MAGEC3: variants seen among roughly 807,000 people sequenced by gnomAD.
MAGEC3 encodes melanoma-associated antigen C3.
A neutral mutation model predicts 35.3 loss-of-function variants in MAGEC3; 34 were observed. The ratio of observed to expected loss-of-function variants is 0.96; its 90% CI spans 0.73 to 1.28. MAGEC3 has a LOEUF of 1.28. Among genes scored for constraint, MAGEC3 ranks in the 50% most tolerant of loss-of-function variants. The pLI is 0.00. For synonymous variants in MAGEC3, 202 were observed against 185.6 expected, an observed-to-expected ratio of 1.09 and a Z score of -0.72; for missense variants, 561 against 483.6, an observed-to-expected ratio of 1.16 and a Z score of -1.50.
At chrX:141,881,288 G>T in intron 3 of MAGEC3, 115 bp from the exon 4 acceptor site, 1 of 888,453 alleles carries the variant, frequency 1.1e-6, no homozygotes, top group Non-Finnish European at 1.6e-6. Flanking sequence ...CCTCCTGAGA[G>T]TCCTCCCCAG....
intron 1 of MAGEC3, among the ~76,000 whole-genome samples, chrX:141,847,335 A>G (rs925281968): frequency 9.0e-6 from 1 of 111,108 alleles, no homozygotes; most frequent in Non-Finnish European, 1.9e-5. Context: ...CATTCAATTC[A>G]TGATACACCA....
intron 1 of MAGEC3, among the ~76,000 whole-genome samples, chrX:141,846,350 G>A (rs1251244305): frequency 9.1e-6 from 1 of 109,844 alleles, no homozygotes; most frequent in East Asian, 2.9e-4. Context: ...GCCTAAGAGG[G>A]GGAGTGGGTG....
chrX:141,868,031 C>G (rs1318936809), intron 2 of MAGEC3, among the ~76,000 whole-genome samples: 7 of 109,842 alleles, frequency 6.4e-5, no homozygotes, highest in African/African-American at 1.7e-4. Context: ...GCTGAGGCAG[C>G]AGAATGGTGT....
At position 141,879,314 on chromosome X, in the gene MAGEC3, A is replaced by C. The variant is rs1202468473; in HGVS notation, c.398A>C (p.Glu133Ala). The change falls in exon 3 of 8, where the codon GAG becomes GCG. Residue 133 changes from glutamate (E) to alanine (A), a missense_variant. Glu to Ala is a moderately radical substitution (Grantham distance 107, BLOSUM62 -1). Transcript: ENST00000298296. ...REEPQDWPLN[E>A]KRTLWKDSDL... ...GAACCCCAGGACTGGCCACTCAACG[A>C]GAAGAGAACTCTGTGGAAGGACAGT... is the stretch of plus-strand genomic sequence containing the variant. 4 of 1,203,650 alleles carry C rather than the reference A, an allele frequency of 3.3e-6. No individual in the cohort carries two copies. The highest frequency in any genetic ancestry group is 2.2e-5 in the Admixed American group (1 of 45,141).
intron 1 of MAGEC3, among the ~76,000 whole-genome samples, chrX:141,843,339 G>C (rs2017697233): frequency 9.0e-6 from 1 of 111,433 alleles, no homozygotes; most frequent in Non-Finnish European, 1.9e-5. Flanking sequence ...TACTAGGCCG[G>C]AGTACATCTT....
At chrX:141,894,569 A>G (rs1420839343) in intron 4 of MAGEC3, 1 of 816,097 alleles carries the variant, frequency 1.2e-6, no homozygotes, top group Non-Finnish European at 1.6e-6. Context: ...GGACAGGAGA[A>G]GGGGGGAGTG....
chrX:141,897,234 CTA>C lies in MAGEC3; in HGVS notation c.1478_1479del (p.Tyr493PhefsTer10). The C allele has an allele frequency of 8.3e-7, 1 of 1,212,005 alleles. No homozygotes were observed. The highest frequency in any genetic ancestry group is 1.1e-6 in the Non-Finnish European group (1 of 895,561). ...LTTVIKKYKD[Y>X]FPMIFGKAHE... ...CGACTGTCATCAAGAAGTATAAGGA[CTA>C]TTTTCCCATGATCTTCGGGAAAGCC... is the stretch of plus-strand genomic sequence containing the variant. On this transcript the variant is annotated frameshift_variant, in exon 7 of 8. Transcript: ENST00000298296. LOFTEE classifies it high-confidence loss of function.
intron 4 of MAGEC3, among the ~76,000 whole-genome samples, chrX:141,889,641 T>C (rs2018027020): frequency 9.0e-6 from 1 of 111,634 alleles, no homozygotes; most frequent in African/African-American, 3.3e-5. Flanking sequence ...ATACAGGAGA[T>C]CCATTAGGGC....
chrX:141,868,382 A>G (rs1023289302), intron 2 of MAGEC3, among the ~76,000 whole-genome samples: 1 of 111,889 alleles, frequency 8.9e-6, no homozygotes, highest in African/African-American at 3.3e-5. Context: ...AGCAAATAAT[A>G]AAAATTGAAA....
At chrX:141,870,957 A>G (rs182833005) in intron 2 of MAGEC3, among the ~76,000 whole-genome samples, 1 of 112,488 alleles carries the variant, frequency 8.9e-6, no homozygotes, top group Admixed American at 9.4e-5. Flanking sequence ...CACCTTGAAG[A>G]CATTAGTATT....
At chrX:141,892,077 C>T (rs938295593) in intron 4 of MAGEC3, among the ~76,000 whole-genome samples, 3 of 110,991 alleles carry the variant, frequency 2.7e-5, no homozygotes, top group Admixed American at 9.6e-5. Flanking sequence ...AACTTTTCAT[C>T]ACAGCCCTCA....
chrX:141,853,800 T>C (rs73577967), intron 1 of MAGEC3, among the ~76,000 whole-genome samples: 7,938 of 111,322 alleles, frequency 0.071, 510 homozygotes, highest in African/African-American at 0.2. Flanking sequence ...GTGGTTATGA[T>C]TAATTGAACC....
chrX:141,847,594 A>T (rs752058817), intron 1 of MAGEC3, among the ~76,000 whole-genome samples: 4 of 112,011 alleles, frequency 3.6e-5, no homozygotes, highest in Admixed American at 1.9e-4. Context: ...TTGAAAAATT[A>T]AACTACACAT....
At position 141,897,009 on chromosome X, in the gene MAGEC3, C is replaced by A. The variant is rs1474538973; in HGVS notation, c.1251C>A (p.Asp417Glu). ...AGAGTCCTCCCCAGAGTCCTCTAGACTCCTGCTCATCCCCTCTTTTGTGGA... is the reference window on the plus strand; with the variant it reads ...AGAGTCCTCCCCAGAGTCCTCTAGAATCCTGCTCATCCCCTCTTTTGTGGA... ...PPQSPPQSPL[D>E]SCSSPLLWTR... The change falls in exon 7 of 8, where the codon GAC (aspartate) becomes GAA (glutamate). Residue 417 changes from aspartate to glutamate, a missense_variant. Physicochemically the swap from Asp to Glu is conservative, Grantham distance 45. Coordinates refer to ENST00000298296, the MANE Select transcript of MAGEC3 (RefSeq NM_138702.1). The A allele has an allele frequency of 1.7e-6, 2 of 1,210,419 alleles. No homozygotes were observed.
At chrX:141,855,576 A>C (rs2017775954) in intron 1 of MAGEC3, among the ~76,000 whole-genome samples, 1 of 111,333 alleles carries the variant, frequency 9.0e-6, no homozygotes, top group Admixed American at 9.6e-5. Context: ...AGTTTGAAAA[A>C]TCAATACCTA....
intron 1 of MAGEC3, among the ~76,000 whole-genome samples, chrX:141,861,170 G>A (rs982115724): frequency 7.2e-5 from 8 of 110,611 alleles, no homozygotes; most frequent in South Asian, 7.6e-4. Flanking sequence ...AAGGCCATCC[G>A]AGGACGCTAG....
At chrX:141,871,448 C>T (rs1338483972) in intron 2 of MAGEC3, among the ~76,000 whole-genome samples, 1 of 111,559 alleles carries the variant, frequency 9.0e-6, no homozygotes, top group Non-Finnish European at 1.9e-5. Flanking sequence ...CTTATGCATG[C>T]ACCAAGAGTG....
chrX:141,879,054 G>T (rs1402603174), intron 2 of MAGEC3, 121 bp from the exon 3 acceptor site: 1 of 850,785 alleles, frequency 1.2e-6, no homozygotes, highest in African/African-American at 2.1e-5. Context: ...GAAAGACTCA[G>T]TTGCACAGAG....
Position 141,897,287 on chromosome X carries a change from G to T in MAGEC3, c.1529G>T (p.Gly510Val). The T allele has an allele frequency of 8.3e-7, 1 of 1,211,236 alleles. No homozygotes were observed. The highest frequency in any genetic ancestry group is 1.1e-6 in the Non-Finnish European group (1 of 895,302). ...CATGAGTTCATAGAGCTAATTTTTG[G>T]CATTGCCCTGACTGATATGGACCCC... ...KAHEFIELIF[G>V]IALTDMDPDN... The change falls in exon 7 of 8, where the codon GGC becomes GTC. Residue 510 changes from glycine (G) to valine (V), a missense_variant. Transcript: ENST00000298296.
Sources: gnomAD v4.1 joint callset for allele counts (sites outside exome capture counted in the v4.1 genomes callset) on GRCh38, gnomAD v4.1.1 for gene constraint, MANE v1.5 for transcripts, NCBI Gene and HGNC (gene_info 2026-07-23, HGNC 2026-07-21) for gene names.